DSCAM: variants seen among roughly 807,000 people sequenced by gnomAD.
The protein encoded by DSCAM is cell adhesion molecule DSCAM.
Under a neutral mutation model 217.7 loss-of-function variants are expected in DSCAM, and 47 were observed. The ratio of observed to expected loss-of-function variants is 0.22; its 90% CI spans 0.17 to 0.28. The LOEUF is 0.28. DSCAM is among the 10% of genes least tolerant of loss of function. DSCAM has a pLI of 1.00. For missense variants in DSCAM, 2,080 were observed against 2,618.3 expected (o/e 0.79, Z 4.49); for synonymous variants, 1,056 against 1,015.3 (o/e 1.04, Z -0.76).
At chr21:40,341,701 T>A (rs546651200) in intron 6 of DSCAM, among the ~76,000 whole-genome samples, 1 of 152,332 alleles carries the variant, frequency 6.6e-6, no homozygotes, top group African/African-American at 2.4e-5. Context: ...GCACGCTTTA[T>A]ATGTGCATAT....
chr21:40,794,921 A>C (rs4309649), intron 1 of DSCAM, among the ~76,000 whole-genome samples: 65,891 of 141,812 alleles, frequency 0.46, 16,649 homozygotes, highest in South Asian at 0.65. Flanking sequence ...TAAAGTGAAC[A>C]ATTGCATCAA....
chr21:40,477,160 T>A (rs1284341868), intron 3 of DSCAM, among the ~76,000 whole-genome samples: 3 of 152,142 alleles, frequency 2.0e-5, no homozygotes, highest in African/African-American at 7.2e-5. Flanking sequence ...ATTTTCAAAA[T>A]ATACCTGTTC....
At chr21:40,291,307 C>A (rs1430604615) in intron 10 of DSCAM, among the ~76,000 whole-genome samples, 1 of 152,222 alleles carries the variant, frequency 6.6e-6, no homozygotes, top group Non-Finnish European at 1.5e-5. Context: ...CAGTGTGATC[C>A]TTTTAAAGCA....
intron 3 of DSCAM, among the ~76,000 whole-genome samples, chr21:40,595,992 C>A (rs1022356413): frequency 1.3e-5 from 2 of 152,204 alleles, no homozygotes; most frequent in African/African-American, 4.8e-5. Context: ...TGGACTGATT[C>A]TTAGGCCCTG....
At chr21:40,106,898 TTA>T (rs2089828355) in intron 20 of DSCAM, among the ~76,000 whole-genome samples, 1 of 129,662 alleles carries the variant, frequency 7.7e-6, no homozygotes, top group African/African-American at 2.6e-5. Context: ...TCTATCTATT[TTA>T]TTTTTTTTTT....
chr21:40,385,402 T>C (rs1469435936), intron 3 of DSCAM: 1 of 152,214 alleles, frequency 6.6e-6, no homozygotes, highest in Non-Finnish European at 1.5e-5. Flanking sequence ...CTAGAACACA[T>C]ACAGAGTAGT....
chr21:40,496,270 A>G (rs1234308964), intron 3 of DSCAM, among the ~76,000 whole-genome samples: 1 of 152,166 alleles, frequency 6.6e-6, no homozygotes, highest in Admixed American at 6.5e-5. Context: ...CCTCCAAAAT[A>G]TATACAAAGC....
rs543349480 is a variant in DSCAM at position 40,560,778 on chromosome 21, T to C, written c.508+132032A>G. Among the ~76,000 whole-genome samples the C allele has an allele frequency of 1.5e-3, 225 of 152,322 alleles. 1 individual carries two copies. The highest frequency in any genetic ancestry group is 0.01 in the Middle Eastern group (3 of 294). ...CCGTGACAGTGTAGCTGACTGGGGA[T>C]TGCAGCTTGCTGCCTCTGCCCAGCA... is the stretch of plus-strand genomic sequence containing the variant. On this transcript the variant is annotated intron_variant, in intron 3 of 32. Transcript: ENST00000400454.
intron 3 of DSCAM, among the ~76,000 whole-genome samples, chr21:40,428,911 T>C (rs2075502966): frequency 6.6e-6 from 1 of 152,106 alleles, no homozygotes; most frequent in Admixed American, 6.5e-5. Flanking sequence ...AAAGTTGCAT[T>C]AGTGTATGAA....
chr21:40,626,860 TC>T (rs1358824351), intron 3 of DSCAM, among the ~76,000 whole-genome samples: 1 of 152,204 alleles, frequency 6.6e-6, no homozygotes, highest in Admixed American at 6.5e-5. Context: ...AAATAAAACT[TC>T]TCAATGGGGT....
intron 16 of DSCAM, among the ~76,000 whole-genome samples, chr21:40,161,268 AC>A (rs2090538187): frequency 6.6e-6 from 1 of 152,188 alleles, no homozygotes; most frequent in Non-Finnish European, 1.5e-5. Context: ...GAGAGGAGTA[AC>A]CCAATGTATA....
chr21:40,122,786 C>T (rs957984272), intron 20 of DSCAM, among the ~76,000 whole-genome samples: 2 of 152,140 alleles, frequency 1.3e-5, no homozygotes, highest in Non-Finnish European at 2.9e-5. Flanking sequence ...AGAGAACACA[C>T]CTTGCTTTTT....
chr21:40,302,083 T>C (rs1221986608), intron 9 of DSCAM, among the ~76,000 whole-genome samples: 11 of 152,248 alleles, frequency 7.2e-5, no homozygotes, highest in Non-Finnish European at 1.6e-4. Context: ...TGGTTTCCTT[T>C]TTTAAAGATG....
intron 1 of DSCAM, among the ~76,000 whole-genome samples, chr21:40,765,798 C>T (rs1353664060): frequency 1.3e-5 from 2 of 152,188 alleles, no homozygotes; most frequent in Non-Finnish European, 2.9e-5. Flanking sequence ...GCATGATCAG[C>T]GATCAGTGCC....
chr21:40,589,089 T>C (rs887220803), intron 3 of DSCAM, among the ~76,000 whole-genome samples: 1 of 152,170 alleles, frequency 6.6e-6, no homozygotes, highest in African/African-American at 2.4e-5. Flanking sequence ...CCAAAGACCA[T>C]GAAAATAACT....
intron 3 of DSCAM, among the ~76,000 whole-genome samples, chr21:40,652,754 C>T (rs1262773272): frequency 6.6e-6 from 1 of 152,192 alleles, no homozygotes; most frequent in Non-Finnish European, 1.5e-5. Context: ...CAATTTCCAG[C>T]CTGATAAAAG....
chr21:40,570,532 C>T (rs1417271213), intron 3 of DSCAM, among the ~76,000 whole-genome samples: 2 of 152,154 alleles, frequency 1.3e-5, no homozygotes, highest in Non-Finnish European at 2.9e-5. Context: ...AAAACAAGGC[C>T]CATGTTTAAA....
intron 16 of DSCAM, among the ~76,000 whole-genome samples, chr21:40,165,616 A>G (rs996426843): frequency 2.6e-5 from 4 of 152,242 alleles, no homozygotes; most frequent in Non-Finnish European, 5.9e-5. Context: ...GAAAGGATAC[A>G]ATGCCTTTTA....
In DSCAM at chr21:40,110,543, G is replaced by A. The variant is rs537533784; in HGVS notation, c.3696+13652C>T. On this transcript the variant is annotated intron_variant, in intron 20 of 32. Coordinates refer to ENST00000400454, the MANE Select transcript of DSCAM (RefSeq NM_001389.5). ...TCCAAAGGAACGTAGCTCCTCACCA[G>A]CAACAGAACAAAGCTGGATGGAAGA... Among the ~76,000 whole-genome samples, 31 of 152,310 alleles carry A rather than the reference G, an allele frequency of 2.0e-4. No homozygotes were observed. In the South Asian group the frequency reaches 6.2e-3, roughly 31 times the overall value.
Sources: allele counts gnomAD v4.1 joint callset (sites outside exome capture counted in the v4.1 genomes callset), GRCh38; gene constraint gnomAD v4.1.1; transcripts MANE v1.5; gene names NCBI Gene and HGNC (gene_info 2026-07-23, HGNC 2026-07-21).